The following PARD3B variants were observed in gnomAD, a reference collection of about 807,000 sequenced individuals.
The protein encoded by PARD3B is par-3 family cell polarity regulator beta.
Under a neutral mutation model 130.2 loss-of-function variants are expected in PARD3B, and 103 were observed. The observed-to-expected ratio is 0.79, with a 90% CI of 0.67 to 0.93. PARD3B has a LOEUF of 0.93. Among genes scored for constraint, PARD3B ranks in the 40% least tolerant of loss-of-function variants. The probability of loss-of-function intolerance (pLI) is 0.00; values close to 1 mark genes in which losing one functional copy is unlikely to be tolerated. For synonymous variants in PARD3B, 583 were observed against 553.2 expected, an observed-to-expected ratio of 1.05 and a Z score of -0.76; for missense variants, 1,609 against 1,499.2, an observed-to-expected ratio of 1.07 and a Z score of -1.21.
intron 21 of PARD3B, among the ~76,000 whole-genome samples, chr2:205,520,747 ATATT>A (rs1246572148): frequency 1.3e-5 from 2 of 152,018 alleles, no homozygotes; most frequent in African/African-American, 4.8e-5. Context: ...TGAATATACT[ATATT>A]TAAGTCATAT....
intron 18 of PARD3B, among the ~76,000 whole-genome samples, chr2:205,315,262 C>T (rs1196810149): frequency 6.6e-6 from 1 of 152,116 alleles, no homozygotes; most frequent in Admixed American, 6.6e-5. Flanking sequence ...TTCATCTTAC[C>T]CACTCTGTGC....
rs1265746022 is a variant in PARD3B, at chr2:205,481,095, G to A, written c.3045-18801G>A. 2.6e-5 allele frequency among the ~76,000 whole-genome samples: 4 copies of A among 152,160 alleles called. No homozygotes were observed. The East Asian group carries it at 7.7e-4, about 29-fold the overall frequency. ...AACAGGCCAGTTCAGTGACGGGAGGGCCATGTAGACCCTGGGGAATGGTTT... is the reference window on the plus strand; with the variant it reads ...AACAGGCCAGTTCAGTGACGGGAGGACCATGTAGACCCTGGGGAATGGTTT... On this transcript the variant is annotated intron_variant, in intron 20 of 22. Coordinates refer to ENST00000406610, the MANE Select transcript of PARD3B (RefSeq NM_001302769.2).
At chr2:205,363,066 G>A (rs1199138115) in intron 18 of PARD3B, among the ~76,000 whole-genome samples, 1 of 152,032 alleles carries the variant, frequency 6.6e-6, no homozygotes, top group Non-Finnish European at 1.5e-5. Flanking sequence ...GTTCCCACAG[G>A]CCCCTCTCCC....
chr2:204,805,174 A>G (rs2042720228), intron 2 of PARD3B, among the ~76,000 whole-genome samples: 1 of 152,078 alleles, frequency 6.6e-6, no homozygotes, highest in African/African-American at 2.4e-5. Flanking sequence ...AAAATTGACA[A>G]ATCTTTTGCC....
At chr2:204,676,769 A>G (rs1289226087) in intron 1 of PARD3B, among the ~76,000 whole-genome samples, 1 of 148,876 alleles carries the variant, frequency 6.7e-6, no homozygotes, top group African/African-American at 2.5e-5. Context: ...TCCTGGATTC[A>G]AGCAATTCTC....
chr2:205,031,344 T>C (rs1415041942), intron 3 of PARD3B, among the ~76,000 whole-genome samples: 1 of 152,194 alleles, frequency 6.6e-6, no homozygotes, highest in Non-Finnish European at 1.5e-5. Context: ...CTTTCATGTG[T>C]AGCTTATAAG....
chr2:205,279,015 G>A (rs1210435406), intron 16 of PARD3B, among the ~76,000 whole-genome samples: 1 of 121,222 alleles, frequency 8.2e-6, no homozygotes, highest in Non-Finnish European at 1.6e-5. Context: ...AGCTTGCAGT[G>A]AGCCAAGATC....
intron 1 of PARD3B, among the ~76,000 whole-genome samples, chr2:204,680,341 G>A (rs970576447): frequency 2.0e-5 from 3 of 151,870 alleles, no homozygotes; most frequent in African/African-American, 7.2e-5. Context: ...TATAAAAATT[G>A]TTAAATTTAT....
At chr2:205,243,779 A>G (rs982386588) in intron 15 of PARD3B, among the ~76,000 whole-genome samples, 5 of 152,160 alleles carry the variant, frequency 3.3e-5, no homozygotes, top group African/African-American at 1.2e-4. Flanking sequence ...GGTGTATGTC[A>G]GTTTCTTTAT....
chr2:205,151,666 G>T (rs1359886960), intron 10 of PARD3B, among the ~76,000 whole-genome samples: 1 of 152,094 alleles, frequency 6.6e-6, no homozygotes, highest in Non-Finnish European at 1.5e-5. Flanking sequence ...GAGCCTATTT[G>T]TGTCTCTGCA....
chr2:205,121,704 T>C lies in PARD3B; in HGVS notation c.920T>C (p.Phe307Ser). Residue 307 changes from phenylalanine to serine, a missense_variant, in exon 8 of 23, where the codon TTT becomes TCT. Transcript: ENST00000406610. The surrounding 1 kb of genome is among the most constrained non-coding windows in gnomAD (Gnocchi z 5.0). Reference protein sequence around the residue: ...EKSVIGSLNIFGNNDGVLKTK... With the variant: ...EKSVIGSLNISGNNDGVLKTK... ...TCAGTCATTGGCTCTCTTAACATTT[T>C]TGGTAATAATGATGGCGTTTTGAAA... The C allele has an allele frequency of 6.2e-7, 1 of 1,614,138 alleles. No individual in the cohort carries two copies.
intron 3 of PARD3B, among the ~76,000 whole-genome samples, chr2:205,016,225 T>A (rs1696137313): frequency 6.6e-6 from 1 of 152,218 alleles, no homozygotes. Context: ...ATTGTGGGAC[T>A]TACCTGCTGG....
At chr2:204,752,937 T>A (rs1395453525) in intron 2 of PARD3B, among the ~76,000 whole-genome samples, 1 of 152,118 alleles carries the variant, frequency 6.6e-6, no homozygotes, top group East Asian at 1.9e-4. Flanking sequence ...TATTACAATT[T>A]GTGACACTGG....
intron 21 of PARD3B, among the ~76,000 whole-genome samples, chr2:205,506,017 T>C (rs1378560495): frequency 2.0e-5 from 3 of 152,174 alleles, no homozygotes; most frequent in Non-Finnish European, 4.4e-5. Flanking sequence ...ACTAGCATGA[T>C]ATACCTGTTA....
intron 1 of PARD3B, among the ~76,000 whole-genome samples, chr2:204,643,113 C>CAAAAAAAAA (rs1252171157): frequency 5.8e-3 from 25 of 4,310 alleles, no homozygotes; most frequent in African/African-American, 0.01. Flanking sequence ...GACTCTGTCT[C>CAAAAAAAAA]ACAAAAAAAA....
chr2:204,614,536 A>T (rs2034041321), intron 1 of PARD3B, among the ~76,000 whole-genome samples: 1 of 152,200 alleles, frequency 6.6e-6, no homozygotes, highest in Non-Finnish European at 1.5e-5. Context: ...TCATTTTAAA[A>T]TAATGCCAAA....
intron 1 of PARD3B, among the ~76,000 whole-genome samples, chr2:204,596,106 C>T (rs539775005): frequency 7.9e-5 from 12 of 152,218 alleles, no homozygotes; most frequent in African/African-American, 2.6e-4. Flanking sequence ...GTTTCATAAA[C>T]AATTACATTT....
intron 2 of PARD3B, among the ~76,000 whole-genome samples, chr2:204,876,159 C>A (rs1423475262): frequency 2.0e-5 from 3 of 152,056 alleles, no homozygotes; most frequent in Non-Finnish European, 4.4e-5. Flanking sequence ...TCAATGGAAA[C>A]GGAAGTAAAA....
chr2:204,577,650 T>C (rs963612174), intron 1 of PARD3B, among the ~76,000 whole-genome samples: 45 of 152,196 alleles, frequency 3.0e-4, no homozygotes, highest in African/African-American at 1.0e-3. Context: ...TAGCTCACCG[T>C]AACCTTGAAC....
Sources: allele counts gnomAD v4.1 joint callset (sites outside exome capture counted in the v4.1 genomes callset), GRCh38; gene constraint gnomAD v4.1.1; non-coding constraint Gnocchi (gnomAD v3.1); transcripts MANE v1.5; gene names NCBI Gene and HGNC (gene_info 2026-07-23, HGNC 2026-07-21).